Variants in SUGCT observed in about 807,000 individuals in gnomAD.
SUGCT encodes succinyl-CoA:glutarate-CoA transferase.
A neutral mutation model predicts 55.0 loss-of-function variants in SUGCT; 41 were observed. That is an observed-to-expected ratio of 0.74 (90% CI 0.58 to 0.97). The LOEUF (loss-of-function observed/expected upper bound fraction) is 0.97, where lower values mean the gene tolerates loss of function less well. SUGCT is among the 50% of genes least tolerant of loss of function. The pLI is 0.00. For missense variants in SUGCT, 568 were observed against 547.8 expected (o/e 1.04, Z -0.37); for synonymous variants, 187 against 200.4 (o/e 0.93, Z 0.56).
At chr7:40,960,507 C>T in the SUGCT span, among the ~76,000 whole-genome samples, 1 of 152,160 alleles carries the variant, frequency 6.6e-6, no homozygotes, top group Non-Finnish European at 1.5e-5. Flanking sequence ...CAGACAAAAT[C>T]CTGGACAATA....
At chr7:40,308,649 G>T (rs1227307345) in intron 8 of SUGCT, among the ~76,000 whole-genome samples, 4 of 151,984 alleles carry the variant, frequency 2.6e-5, no homozygotes, top group Non-Finnish European at 5.9e-5. Flanking sequence ...CTCTCTTTCT[G>T]TTCTTCACTG....
intron 10 of SUGCT, among the ~76,000 whole-genome samples, chr7:40,453,358 G>A (rs1160698009): frequency 2.0e-5 from 3 of 152,188 alleles, no homozygotes; most frequent in Non-Finnish European, 4.4e-5. Flanking sequence ...ACTAAAGCAG[G>A]AGCCCCAGGC....
At chr7:40,541,325 T>G (rs6943218) in intron 12 of SUGCT, among the ~76,000 whole-genome samples, 6,349 of 152,272 alleles carry the variant, frequency 0.042, 432 homozygotes, top group African/African-American at 0.14. Flanking sequence ...CTGTTGATAT[T>G]GCATAATGGC....
chr7:40,285,188 A>T (rs1310064692), intron 8 of SUGCT, among the ~76,000 whole-genome samples: 1 of 152,200 alleles, frequency 6.6e-6, no homozygotes, highest in African/African-American at 2.4e-5. Context: ...TTCTTAAACA[A>T]TAGAAAAATA....
At chr7:40,361,589 A>G (rs1798157329) in intron 9 of SUGCT, among the ~76,000 whole-genome samples, 1 of 148,926 alleles carries the variant, frequency 6.7e-6, no homozygotes, top group Non-Finnish European at 1.5e-5. Flanking sequence ...GAAAAAAAAG[A>G]AAGAAAATTC....
chr7:40,648,984 A>G (rs903968254), intron 12 of SUGCT, among the ~76,000 whole-genome samples: 1 of 152,208 alleles, frequency 6.6e-6, no homozygotes, highest in Admixed American at 6.5e-5. Context: ...TCTTTGAACA[A>G]ATTTATGAAA....
intron 12 of SUGCT, among the ~76,000 whole-genome samples, chr7:40,688,280 A>C (rs974309941): frequency 1.3e-5 from 2 of 152,184 alleles, no homozygotes; most frequent in Non-Finnish European, 2.9e-5. Context: ...GGATCAGCAC[A>C]TTCAGAAAAG....
the SUGCT span, among the ~76,000 whole-genome samples, chr7:40,980,384 C>T: frequency 3.5e-4 from 53 of 152,178 alleles, no homozygotes; most frequent in Middle Eastern, 3.4e-3. Flanking sequence ...AAATTCATGC[C>T]CTTATTGCAT....
Position 40,195,058 on chromosome 7 carries a change from C to G in SUGCT, c.482C>G (p.Thr161Arg). The change falls in exon 6 of 14, where the codon ACA becomes AGA. Residue 161 changes from threonine to arginine, a missense_variant and splice_region_variant. Physicochemically the swap from Thr to Arg is moderately conservative, Grantham distance 71. Coordinates refer to ENST00000335693, the MANE Select transcript of SUGCT (RefSeq NM_001193313.2). The part of the protein sequence containing the change: ...IAPHIIYCSI[T>R]GYGQTGPISQ... The stretch of plus-strand genomic sequence containing the variant: ...CCTCACATCATCTATTGTTCCATCA[C>G]AGGTATTTCAACCCCACACCCTTGT... 1.2e-6 allele frequency: 2 copies of G among 1,612,120 alleles called. No individual in the cohort carries two copies. The highest frequency in any genetic ancestry group is 1.7e-6 in the Non-Finnish European group (2 of 1,179,118).
intron 8 of SUGCT, among the ~76,000 whole-genome samples, chr7:40,309,150 G>A (rs554673255): frequency 8.5e-5 from 13 of 152,246 alleles, no homozygotes; most frequent in Admixed American, 1.3e-4. Context: ...TTCATAGCAC[G>A]AATCATTTCT....
intron 7 of SUGCT, among the ~76,000 whole-genome samples, chr7:40,248,834 T>G (rs1331348809): frequency 1.3e-5 from 2 of 152,084 alleles, no homozygotes; most frequent in South Asian, 4.1e-4. Flanking sequence ...GTTAGAAATA[T>G]CTATGCAAAT....
chr7:40,700,142 A>G (rs887624900), intron 12 of SUGCT, among the ~76,000 whole-genome samples: 6 of 152,194 alleles, frequency 3.9e-5, no homozygotes, highest in African/African-American at 1.4e-4. Context: ...TCTAAATTTC[A>G]TGAGTCAAAT....
At chr7:40,240,290 C>T (rs1789293921) in intron 7 of SUGCT, among the ~76,000 whole-genome samples, 1 of 152,082 alleles carries the variant, frequency 6.6e-6, no homozygotes, top group African/African-American at 2.4e-5. Context: ...TCGAGACCAG[C>T]CTGATCAACA....
chr7:41,027,062 TAC>T, the SUGCT span, among the ~76,000 whole-genome samples: 1 of 152,262 alleles, frequency 6.6e-6, no homozygotes, highest in Non-Finnish European at 1.5e-5. Flanking sequence ...AAAAAAAGTT[TAC>T]ACAAAAACAA....
the SUGCT span, among the ~76,000 whole-genome samples, chr7:40,901,443 T>G: frequency 6.6e-6 from 1 of 152,152 alleles, no homozygotes; most frequent in African/African-American, 2.4e-5. Context: ...ATCTTATGAG[T>G]CTTCACAACA....
At chr7:40,156,796 C>G (rs1245662270) in intron 1 of SUGCT, among the ~76,000 whole-genome samples, 3 of 152,080 alleles carry the variant, frequency 2.0e-5, no homozygotes, top group African/African-American at 7.2e-5. Context: ...TGGTGGTTTA[C>G]TTGAGGTCAG....
intron 7 of SUGCT, among the ~76,000 whole-genome samples, chr7:40,273,987 T>C (rs1291664820): frequency 6.6e-6 from 1 of 152,100 alleles, no homozygotes; most frequent in Admixed American, 6.6e-5. Context: ...TAAATAGTCT[T>C]TTTTTAAATT....
chr7:40,550,423 G>A (rs961344870), intron 12 of SUGCT, among the ~76,000 whole-genome samples: 37 of 152,156 alleles, frequency 2.4e-4, no homozygotes, highest in African/African-American at 8.9e-4. Context: ...TTTGCTTTCT[G>A]ACACCAATTC....
intron 8 of SUGCT, among the ~76,000 whole-genome samples, chr7:40,294,612 T>C (rs1290659792): frequency 2.0e-5 from 3 of 152,150 alleles, no homozygotes; most frequent in East Asian, 3.9e-4. Flanking sequence ...GGCATTGTGA[T>C]CTCGGCTCAC....
Sources: gnomAD v4.1 joint callset for allele counts (sites outside exome capture counted in the v4.1 genomes callset) on GRCh38, gnomAD v4.1.1 for gene constraint, MANE v1.5 for transcripts, NCBI Gene and HGNC (gene_info 2026-07-23, HGNC 2026-07-21) for gene names.